The following RBFOX1 variants were observed in gnomAD, a reference collection of about 807,000 sequenced individuals.
The protein encoded by RBFOX1 is RNA binding fox-1 homolog 1, also known as RNA binding protein fox-1 homolog 1.
RBFOX1 carries 8 observed loss-of-function variants against 57.7 expected under a neutral mutation model. The observed-to-expected ratio is 0.14, with a 90% confidence interval of 0.08 to 0.25. The LOEUF (loss-of-function observed/expected upper bound fraction) is 0.25, where lower values mean the gene tolerates loss of function less well. RBFOX1 is among the 10% of genes least tolerant of loss of function. RBFOX1 has a pLI of 1.00. For synonymous variants in RBFOX1, 326 were observed against 222.4 expected (o/e 1.47, Z -4.15); for missense variants, 611 against 548.5 (o/e 1.11, Z -1.14).
At chr16:7,234,596 G>T (rs56178418) in intron 4 of RBFOX1, among the ~76,000 whole-genome samples, 1 of 138,804 alleles carries the variant, frequency 7.2e-6, no homozygotes, top group Non-Finnish European at 1.5e-5. Flanking sequence ...ATATGTGTGT[G>T]TGTGTGTGTG....
intron 4 of RBFOX1, among the ~76,000 whole-genome samples, chr16:7,379,093 C>T (rs1471838121): frequency 2.0e-5 from 3 of 152,198 alleles, no homozygotes; most frequent in East Asian, 1.9e-4. Context: ...TGTTTCTGGC[C>T]AGTCATAAAC....
In RBFOX1 at chr16:6,938,422, A is replaced by G. The variant is rs182043574; in HGVS notation, c.-15-113635A>G. Reference sequence around the variant, plus strand: ...TAAGGGTCGGAAAAATGTAACTGTTACACTGTTGCTGTTGTTATTTTTGTT... The same window carrying G: ...TAAGGGTCGGAAAAATGTAACTGTTGCACTGTTGCTGTTGTTATTTTTGTT... On this transcript the variant is annotated intron_variant, in intron 3 of 15. Coordinates refer to ENST00000550418, the MANE Select transcript of RBFOX1 (RefSeq NM_018723.4). Among the ~76,000 whole-genome samples the G allele has an allele frequency of 4.9e-3, 748 of 152,342 alleles. 5 individuals are homozygous for G. The highest frequency in any genetic ancestry group is 7.6e-3 in the Non-Finnish European group (514 of 68,032).
intron 1 of RBFOX1, among the ~76,000 whole-genome samples, chr16:5,388,315 G>A (rs976620310): frequency 6.6e-6 from 1 of 152,128 alleles, no homozygotes; most frequent in Non-Finnish European, 1.5e-5. Context: ...GTAGTGGGAG[G>A]CTTCGGACAA....
intron 4 of RBFOX1, among the ~76,000 whole-genome samples, chr16:7,452,301 C>T (rs2098874491): frequency 1.3e-5 from 2 of 152,178 alleles, no homozygotes; most frequent in Admixed American, 6.5e-5. Context: ...ATGAAAAATA[C>T]ATCATTGGAG....
At chr16:7,356,690 G>T (rs1164123574) in intron 4 of RBFOX1, among the ~76,000 whole-genome samples, 1 of 152,238 alleles carries the variant, frequency 6.6e-6, no homozygotes, top group Non-Finnish European at 1.5e-5. Flanking sequence ...GTTCTGAAGT[G>T]CATGAATACT....
chr16:6,064,872 C>G (rs4786810), intron 1 of RBFOX1, among the ~76,000 whole-genome samples: 10,645 of 152,020 alleles, frequency 0.07, 510 homozygotes, highest in East Asian at 0.27. Flanking sequence ...ATTGCACACA[C>G]ACACTAACTT....
intron 4 of RBFOX1, among the ~76,000 whole-genome samples, chr16:7,494,309 G>T (rs915885292): frequency 6.6e-5 from 10 of 152,092 alleles, no homozygotes; most frequent in African/African-American, 2.2e-4. Context: ...TATTTTAAAG[G>T]CGCCCTTTGG....
At chr16:7,260,540 G>A (rs1365666816) in intron 4 of RBFOX1, among the ~76,000 whole-genome samples, 2 of 152,062 alleles carry the variant, frequency 1.3e-5, no homozygotes, top group Non-Finnish European at 2.9e-5. Context: ...GGACCTCCAA[G>A]GCTGCATCTT....
intron 1 of RBFOX1, among the ~76,000 whole-genome samples, chr16:6,279,180 T>C (rs930475126): frequency 9.2e-5 from 14 of 152,196 alleles, no homozygotes; most frequent in African/African-American, 3.4e-4. Context: ...CATCTTGATG[T>C]ATTAAGGTAC....
chr16:6,284,926 G>T (rs571766228), intron 1 of RBFOX1, among the ~76,000 whole-genome samples: 1 of 152,184 alleles, frequency 6.6e-6, no homozygotes, highest in South Asian at 2.1e-4. Context: ...CTTCCAAATG[G>T]CTGGCATGTT....
intron 1 of RBFOX1, among the ~76,000 whole-genome samples, chr16:6,083,629 A>C (rs73523879): frequency 0.033 from 4,996 of 152,064 alleles, 293 homozygotes; most frequent in African/African-American, 0.11. Context: ...GACGTGCGCC[A>C]CCACGCCCAG....
chr16:6,380,447 A>G (rs1460119846), intron 2 of RBFOX1, among the ~76,000 whole-genome samples: 4 of 53,672 alleles, frequency 7.5e-5, no homozygotes, highest in Non-Finnish European at 1.5e-4. Flanking sequence ...TTTTTTTTTT[A>G]GTAGAACTCA....
intron 4 of RBFOX1, among the ~76,000 whole-genome samples, chr16:7,072,361 C>G (rs1012925539): frequency 2.2e-4 from 34 of 152,136 alleles, no homozygotes; most frequent in Non-Finnish European, 4.3e-4. Context: ...GTTATTCCCT[C>G]GTTTGTTTTG....
chr16:6,345,492 C>T (rs2085239197), intron 2 of RBFOX1, among the ~76,000 whole-genome samples: 1 of 152,172 alleles, frequency 6.6e-6, no homozygotes, highest in African/African-American at 2.4e-5. Context: ...AAAGCTGCTT[C>T]TCCCCCAGCC....
chr16:6,258,669 G>A (rs2097683609), intron 1 of RBFOX1, among the ~76,000 whole-genome samples: 1 of 152,104 alleles, frequency 6.6e-6, no homozygotes. Flanking sequence ...TTTTAACTAA[G>A]CAGGATAATT....
intron 3 of RBFOX1, among the ~76,000 whole-genome samples, chr16:5,687,990 G>T (rs1291313424): frequency 6.6e-6 from 1 of 152,080 alleles, no homozygotes; most frequent in Non-Finnish European, 1.5e-5. Flanking sequence ...CTCGTTCTCT[G>T]CAAGGGCCCA....
chr16:6,927,006 C>T (rs1430477729), intron 3 of RBFOX1, among the ~76,000 whole-genome samples: 1 of 152,106 alleles, frequency 6.6e-6, no homozygotes, highest in Non-Finnish European at 1.5e-5. Flanking sequence ...CAAGCAATTG[C>T]TACTCAACCA....
Position 5,546,408 on chromosome 16 carries a change from G to A in RBFOX1, c.259-52494G>A, listed in dbSNP as rs182445989. 4.3e-3 allele frequency among the ~76,000 whole-genome samples: 655 copies of A among 152,248 alleles called. 3 individuals carry two copies. Among genetic ancestry groups the A allele is most frequent in the African/African-American group, 0.014 (598 of 41,550 alleles). On this transcript the variant is annotated intron_variant, in intron 2 of 2. Transcript: ENST00000585867. ...CAAAGTTAGAGGGCTAACATGATCT[G>A]ATTTAAAGATTTATTACAAAGCTAT...
rs149703556 is a variant in RBFOX1 at position 5,823,854 on chromosome 16, T to G, written c.319-43449T>G. On this transcript the variant is annotated intron_variant, in intron 3 of 19. Transcript: ENST00000641259. ...TTCTACATTACAGCAAGTTGTATAA[T>G]TATTTTATTATATATTACAAAGTAA... Among the ~76,000 whole-genome samples the G allele has an allele frequency of 1.6e-4, 25 of 152,300 alleles. No individual in the cohort carries two copies. In the East Asian group the frequency reaches 4.4e-3, roughly 27 times the overall value.
Sources: allele counts gnomAD v4.1 joint callset (sites outside exome capture counted in the v4.1 genomes callset), GRCh38; gene constraint gnomAD v4.1.1; transcripts MANE v1.5; gene names NCBI Gene and HGNC (gene_info 2026-07-23, HGNC 2026-07-21).